The following PKIG variants were observed in gnomAD, a reference collection of about 807,000 sequenced individuals.
PKIG encodes the protein protein kinase (cAMP-dependent, catalytic) inhibitor gamma.
PKIG carries 1 observed loss-of-function variant against 6.8 expected under a neutral mutation model. The observed-to-expected ratio is 0.15, with a 90% CI of 0.05 to 0.69. The LOEUF (loss-of-function observed/expected upper bound fraction) is 0.69. Among genes scored for constraint, PKIG ranks in the 30% least tolerant of loss-of-function variants. The probability of loss-of-function intolerance (pLI) is 0.82; values close to 1 mark genes in which losing one functional copy is unlikely to be tolerated. For missense variants in PKIG, 77 were observed against 104.0 expected, an observed-to-expected ratio of 0.74 and a Z score of 1.13; for synonymous variants, 39 against 43.0, an observed-to-expected ratio of 0.91 and a Z score of 0.36.
intron 2 of PKIG, among the ~76,000 whole-genome samples, chr20:44,593,364 A>AACACACACACACACAC (rs55947972): frequency 7.5e-6 from 1 of 132,468 alleles, no homozygotes; most frequent in East Asian, 2.3e-4. Context: ...TATAATAATC[A>AACACACACACACACAC]ACACACACAC....
At chr20:44,574,601 A>G (rs527288365) in intron 1 of PKIG, among the ~76,000 whole-genome samples, 268 of 151,866 alleles carry the variant, frequency 1.8e-3, no homozygotes, top group Non-Finnish European at 2.6e-3. Context: ...TGTTTTTGCA[A>G]TGTCGCCTGT....
At chr20:44,571,367 C>CCTAATGTAAAAAA (rs2064852911) in intron 1 of PKIG, among the ~76,000 whole-genome samples, 1 of 151,910 alleles carries the variant, frequency 6.6e-6, no homozygotes, top group African/African-American at 2.4e-5. Flanking sequence ...TGGGGTTGTT[C>CCTAATGTAAAAAA]AAAGATTGTC....
intron 2 of PKIG, among the ~76,000 whole-genome samples, chr20:44,593,364 AACACACACACACACACACACACACAC>A (rs55947972): frequency 7.5e-6 from 1 of 132,468 alleles, no homozygotes. Flanking sequence ...TATAATAATC[AACACACACACACACACACACACACAC>A]ACACACACAC....
At chr20:44,540,563 G>GTT (rs139173086) in intron 1 of PKIG, among the ~76,000 whole-genome samples, 4 of 149,584 alleles carry the variant, frequency 2.7e-5, no homozygotes, top group African/African-American at 9.9e-5. Context: ...TTTTTGTTTT[G>GTT]TTTTTTTTTG....
intron 1 of PKIG, among the ~76,000 whole-genome samples, chr20:44,552,280 G>A (rs143971803): frequency 4.6e-5 from 7 of 152,288 alleles, no homozygotes; most frequent in African/African-American, 1.2e-4. Flanking sequence ...ATTCTGTCTT[G>A]TGACACTAAG....
chr20:44,614,386 T>G lies in PKIG; in HGVS notation c.-23-148T>G. The G allele has an allele frequency of 1.7e-6, 1 of 594,360 alleles. No individual in the cohort carries two copies. Among genetic ancestry groups the G allele is most frequent in the Non-Finnish European group, 3.0e-6 (1 of 337,886 alleles). 36.8% of individuals were successfully genotyped at this position (594,360 alleles called of 1,614,324 possible). A position where few individuals can be genotyped will look rare whatever the true frequency, so the allele number is the denominator to read the frequency against. On this transcript the variant is annotated intron_variant, in intron 2 of 3. Transcript: ENST00000372886. The surrounding 1 kb of genome is among the most constrained non-coding windows in gnomAD (Gnocchi z 4.6). Reference sequence around the variant, plus strand: ...AATTATGAGTGACTTGTTTTGTTCTTTGTACTTTTCTGTGCTTTTTGCTTT... The same window carrying G: ...AATTATGAGTGACTTGTTTTGTTCTGTGTACTTTTCTGTGCTTTTTGCTTT...
intron 1 of PKIG, among the ~76,000 whole-genome samples, chr20:44,561,018 C>G (rs1476783815): frequency 1.3e-5 from 2 of 152,092 alleles, no homozygotes; most frequent in Non-Finnish European, 2.9e-5. Flanking sequence ...ATTTACTATG[C>G]AAAAAGAAAT....
intron 1 of PKIG, among the ~76,000 whole-genome samples, chr20:44,588,566 C>G (rs2065009256): frequency 6.6e-6 from 1 of 151,998 alleles, no homozygotes. Context: ...ATTGCTTAAA[C>G]TTGGGAGGCA....
upstream of PKIG, among the ~76,000 whole-genome samples, chr20:44,579,342 A>G (rs2064927673): frequency 6.6e-6 from 1 of 152,214 alleles, no homozygotes; most frequent in South Asian, 2.1e-4. Context: ...TTCATCCTCA[A>G]ATGGAGCTGA....
intron 1 of PKIG, among the ~76,000 whole-genome samples, chr20:44,554,267 G>C (rs948427096): frequency 1.3e-5 from 2 of 151,840 alleles, no homozygotes; most frequent in East Asian, 3.9e-4. Flanking sequence ...ATTTTTAGTA[G>C]AGACAGGGTT....
chr20:44,556,315 A>G (rs778512993), intron 1 of PKIG, among the ~76,000 whole-genome samples: 19 of 152,204 alleles, frequency 1.2e-4, no homozygotes, highest in Admixed American at 4.6e-4. Flanking sequence ...AAACTTAATT[A>G]TTAGCCATAA....
At chr20:44,589,063 T>A (rs1015286020) in intron 1 of PKIG, among the ~76,000 whole-genome samples, 2 of 152,248 alleles carry the variant, frequency 1.3e-5, no homozygotes, top group African/African-American at 4.8e-5. Context: ...TTGGTTACAG[T>A]TTGCCCTTTT....
intron 2 of PKIG, among the ~76,000 whole-genome samples, chr20:44,590,574 G>A (rs1362953573): frequency 6.6e-6 from 1 of 152,218 alleles, no homozygotes; most frequent in Non-Finnish European, 1.5e-5. Flanking sequence ...CAAATCTGGT[G>A]AATTTCTTTG....
chr20:44,562,601 CAAAA>C (rs1191493549), intron 1 of PKIG, among the ~76,000 whole-genome samples: 1 of 57,898 alleles, frequency 1.7e-5, no homozygotes, highest in Non-Finnish European at 3.5e-5. Context: ...GACCCTGTCT[CAAAA>C]AAAAAAAAAA....
At chr20:44,598,074 A>T (rs1484787916) in intron 2 of PKIG, among the ~76,000 whole-genome samples, 2 of 152,174 alleles carry the variant, frequency 1.3e-5, no homozygotes, top group African/African-American at 2.4e-5. Context: ...TGGTGGCTGG[A>T]ACTGGAGCAG....
chr20:44,592,521 G>A (rs2065041552), intron 2 of PKIG, among the ~76,000 whole-genome samples: 1 of 152,200 alleles, frequency 6.6e-6, no homozygotes, highest in Non-Finnish European at 1.5e-5. Flanking sequence ...CACCCTATGG[G>A]CAAACTGCTT....
At chr20:44,543,187 T>G (rs887897598) in intron 1 of PKIG, among the ~76,000 whole-genome samples, 13 of 152,214 alleles carry the variant, frequency 8.5e-5, no homozygotes, top group Non-Finnish European at 1.8e-4. Context: ...GAGAGTTCCT[T>G]GTTTCTTGTG....
intron 2 of PKIG, among the ~76,000 whole-genome samples, chr20:44,590,438 G>A (rs1336131007): frequency 2.4e-4 from 37 of 152,228 alleles, no homozygotes; most frequent in Non-Finnish European, 1.3e-4. Context: ...CCACCTGGCA[G>A]TATGGCCACC....
At chr20:44,617,362 G>A (rs1157429155) in intron 3 of PKIG, among the ~76,000 whole-genome samples, 1 of 152,120 alleles carries the variant, frequency 6.6e-6, no homozygotes, top group Non-Finnish European at 1.5e-5. Context: ...CAGGCCCCAC[G>A]TGGTGCACCT....
Sources: gnomAD v4.1 joint callset for allele counts (sites outside exome capture counted in the v4.1 genomes callset) on GRCh38, gnomAD v4.1.1 for gene constraint, Gnocchi (gnomAD v3.1) non-coding constraint, MANE v1.5 for transcripts, NCBI Gene and HGNC (gene_info 2026-07-23, HGNC 2026-07-21) for gene names.